NAV2: variants seen among roughly 807,000 people sequenced by gnomAD.
NAV2 encodes neuron navigator 2.
In NAV2, 54 loss-of-function variants were observed where a neutral mutation model predicts 223.2. That is an observed-to-expected ratio of 0.24 (90% CI 0.19 to 0.30). The LOEUF (loss-of-function observed/expected upper bound fraction) is 0.30. Ranked by LOEUF, NAV2 falls within the 10% of genes least tolerant of loss-of-function variation. The pLI is 1.00. For synonymous variants in NAV2, 1,279 were observed against 1,239.3 expected, an observed-to-expected ratio of 1.03 and a Z score of -0.67; for missense variants, 2,806 against 3,147.5, an observed-to-expected ratio of 0.89 and a Z score of 2.60.
At chr11:20,109,814 C>T (rs76866355) in intron 36 of NAV2, among the ~76,000 whole-genome samples, 8,245 of 152,314 alleles carry the variant, frequency 0.054, 318 homozygotes, top group Non-Finnish European at 0.076. Context: ...GAAGAACTCA[C>T]GGGCTCTGCT....
intron 12 of NAV2, among the ~76,000 whole-genome samples, chr11:20,040,884 C>G (rs994045287): frequency 6.6e-6 from 1 of 152,122 alleles, no homozygotes; most frequent in Non-Finnish European, 1.5e-5. Context: ...CCAAGGGGTG[C>G]CACCTTATAG....
chr11:19,860,924 G>A (rs997665201), intron 3 of NAV2, among the ~76,000 whole-genome samples: 5 of 151,846 alleles, frequency 3.3e-5, no homozygotes, highest in African/African-American at 9.7e-5. Flanking sequence ...GCAGGCACTC[G>A]GCAGGCTGAG....
intron 11 of NAV2, among the ~76,000 whole-genome samples, chr11:20,015,875 A>G (rs944238170): frequency 1.3e-5 from 2 of 152,210 alleles, no homozygotes; most frequent in Admixed American, 6.5e-5. Flanking sequence ...GCCCTGGCCC[A>G]CTAAGTGTCT....
At chr11:19,642,589 C>T (rs1237882509) in intron 1 of NAV2, among the ~76,000 whole-genome samples, 1 of 152,098 alleles carries the variant, frequency 6.6e-6, no homozygotes, top group Non-Finnish European at 1.5e-5. Context: ...TCTGGATGTG[C>T]CAAGGCGCTG....
chr11:19,585,707 C>G (rs1291245649), intron 1 of NAV2, among the ~76,000 whole-genome samples: 1 of 152,154 alleles, frequency 6.6e-6, no homozygotes, highest in Non-Finnish European at 1.5e-5. Flanking sequence ...AATAATTGGC[C>G]CCCACTTTCT....
At chr11:19,939,079 C>T (rs898292131) in intron 7 of NAV2, among the ~76,000 whole-genome samples, 2 of 152,162 alleles carry the variant, frequency 1.3e-5, no homozygotes, top group East Asian at 1.9e-4. Context: ...TGGGGAAGTA[C>T]AGATTTCAGT....
chr11:19,793,251 GA>G, intron 1 of NAV2, among the ~76,000 whole-genome samples: 2 of 151,092 alleles, frequency 1.3e-5, no homozygotes, highest in Admixed American at 1.3e-4. Context: ...AGAAAGAAAG[GA>G]TGGATGGAGG....
intron 1 of NAV2, among the ~76,000 whole-genome samples, chr11:19,554,699 C>T (rs2044809176): frequency 6.6e-6 from 1 of 152,126 alleles, no homozygotes; most frequent in Non-Finnish European, 1.5e-5. Context: ...AAGGACATTT[C>T]TTAAAAATGG....
chr11:19,486,070 TGA>T (rs372718715), intron 1 of NAV2, among the ~76,000 whole-genome samples: 176 of 152,154 alleles, frequency 1.2e-3, no homozygotes, highest in African/African-American at 4.2e-3. Flanking sequence ...CCTTCAGGAA[TGA>T]GATACAGCAA....
Position 19,398,298 on chromosome 11 carries a change from A to C in NAV2, c.75+47271A>C, listed in dbSNP as rs1849545981. 2.0e-5 allele frequency among the ~76,000 whole-genome samples: 3 copies of C among 152,084 alleles called. No homozygotes were observed. The South Asian group carries it at 6.2e-4, about 32-fold the overall frequency. On this transcript the variant is annotated intron_variant, in intron 1 of 37. Transcript: ENST00000360655. ...TAAACATCCAGATGTTGGAGAACGT[A>C]CTCACTATTGCTAGGAGAGCAATGA...
chr11:19,643,322 A>G (rs111839463), intron 1 of NAV2, among the ~76,000 whole-genome samples: 1 of 55,934 alleles, frequency 1.8e-5, no homozygotes, highest in African/African-American at 8.5e-5. Flanking sequence ...CCCTCCCCCC[A>G]CCCCACGACA....
At chr11:19,816,073 C>T (rs531450947) in intron 1 of NAV2, among the ~76,000 whole-genome samples, 1 of 152,218 alleles carries the variant, frequency 6.6e-6, no homozygotes, top group Non-Finnish European at 1.5e-5. Flanking sequence ...TCGTAGTAAA[C>T]GCCTAGTATA....
chr11:19,666,490 G>A lies in NAV2; in HGVS notation c.76-165994G>A, dbSNP rs183006443. Among the ~76,000 whole-genome samples, 276 of 152,276 alleles carry A rather than the reference G, an allele frequency of 1.8e-3. 1 individual carries two copies. The highest frequency in any genetic ancestry group is 5.2e-3 in the Admixed American group (80 of 15,292). ...ACTGCCATCATTGAGGGAGATCTGC[G>A]GTGGTGGCCTCAAGTGTGGGTGGCC... On this transcript the variant is annotated intron_variant, in intron 1 of 37. Coordinates refer to the NAV2 transcript ENST00000360655.
chr11:19,737,831 C>T (rs1187877681), intron 1 of NAV2, among the ~76,000 whole-genome samples: 3 of 152,250 alleles, frequency 2.0e-5, no homozygotes, highest in Admixed American at 6.5e-5. Flanking sequence ...GCAGCTGATC[C>T]GAGTAGGGGA....
chr11:19,423,535 T>A (rs1190005434), intron 1 of NAV2, among the ~76,000 whole-genome samples: 1 of 152,222 alleles, frequency 6.6e-6, no homozygotes, highest in Non-Finnish European at 1.5e-5. Flanking sequence ...AAACTTAGCA[T>A]CTTAAGTGGG....
chr11:19,659,391 G>C (rs2048212669), intron 1 of NAV2, among the ~76,000 whole-genome samples: 1 of 152,182 alleles, frequency 6.6e-6, no homozygotes, highest in Non-Finnish European at 1.5e-5. Flanking sequence ...ACAGGAAGGA[G>C]TTTGGTGCAA....
intron 1 of NAV2, among the ~76,000 whole-genome samples, chr11:19,816,627 C>T (rs1403129050): frequency 6.6e-6 from 1 of 152,164 alleles, no homozygotes; most frequent in Non-Finnish European, 1.5e-5. Context: ...CTTGCCTGGA[C>T]TTGGATACAT....
At chr11:19,666,344 C>T (rs1330123977) in intron 1 of NAV2, among the ~76,000 whole-genome samples, 2 of 152,228 alleles carry the variant, frequency 1.3e-5, no homozygotes, top group Non-Finnish European at 2.9e-5. Flanking sequence ...ATAGAAAGGT[C>T]ACATTATGCC....
intron 19 of NAV2, among the ~76,000 whole-genome samples, chr11:20,056,270 C>A (rs533048962): frequency 6.6e-6 from 1 of 152,352 alleles, no homozygotes; most frequent in East Asian, 1.9e-4. Flanking sequence ...TTGGCATGCG[C>A]CTCCACCTTG....
Sources: gnomAD v4.1 joint callset for allele counts (sites outside exome capture counted in the v4.1 genomes callset) on GRCh38, gnomAD v4.1.1 for gene constraint, MANE v1.5 for transcripts, NCBI Gene and HGNC (gene_info 2026-07-23, HGNC 2026-07-21) for gene names.